PCCA: variants seen among roughly 807,000 people sequenced by gnomAD.
PCCA encodes the protein propionyl-CoA carboxylase subunit alpha.
Under a neutral mutation model 101.3 loss-of-function variants are expected in PCCA, and 74 were observed. That is an observed-to-expected ratio of 0.73 (90% CI 0.61 to 0.89). The LOEUF is 0.89. Ranked by LOEUF, PCCA falls within the 40% of genes least tolerant of loss-of-function variation. The pLI is 0.00. For synonymous variants in PCCA, 294 were observed against 313.6 expected (o/e 0.94, Z 0.66); for missense variants, 891 against 907.0 (o/e 0.98, Z 0.23).
chr13:100,162,492 A>G (rs1019586852), intron 6 of PCCA, among the ~76,000 whole-genome samples: 2 of 152,088 alleles, frequency 1.3e-5, no homozygotes, highest in Admixed American at 1.3e-4. Context: ...CGTTAGTGGT[A>G]TTTGTTTTTG....
At chr13:100,233,618 G>A (rs547563700) in intron 7 of PCCA, among the ~76,000 whole-genome samples, 1 of 152,258 alleles carries the variant, frequency 6.6e-6, no homozygotes, top group East Asian at 1.9e-4. Flanking sequence ...GGGGCTGAGT[G>A]TATAATATTT....
In PCCA at chr13:100,155,003, G is replaced by T; in HGVS notation, c.325G>T (p.Ala109Ser). 6.2e-7 allele frequency: 1 copy of T among 1,613,928 alleles called. No individual in the cohort carries two copies. ...SSVHVKMADE[A>S]VCVGPAPTSK... ...GGTTCATGTGAAAATGGCGGATGAG[G>T]CTGTCTGTGTTGGCCCAGCTCCCAC... Residue 109 changes from alanine (A) to serine (S), a missense_variant, in exon 5 of 24, where the codon GCT (alanine) becomes TCT (serine). Transcript: ENST00000376285.
chr13:100,433,626 A>C (rs533670895), intron 20 of PCCA, among the ~76,000 whole-genome samples: 1 of 152,120 alleles, frequency 6.6e-6, no homozygotes, highest in East Asian at 1.9e-4. Context: ...TTGGGAGAGG[A>C]GGGTGTGTTT....
rs543937844 is a variant in PCCA, at chr13:100,224,146, G to C, written c.601-11696G>C. 7.4e-3 allele frequency among the ~76,000 whole-genome samples: 1,127 copies of C among 152,338 alleles called. 13 individuals are homozygous for C. Among genetic ancestry groups the C allele is most frequent in the African/African-American group, 0.025 (1,053 of 41,582 alleles). On this transcript the variant is annotated intron_variant, in intron 7 of 23. Transcript: ENST00000376285. The stretch of plus-strand genomic sequence containing the variant: ...TCTGGCCCCACAGGAGCCCAGGGAG[G>C]GGGTGGGAGGCTCAGGCATGGCGGG...
chr13:100,105,401 G>C (rs1020430848), intron 2 of PCCA, among the ~76,000 whole-genome samples: 16 of 152,086 alleles, frequency 1.1e-4, no homozygotes, highest in African/African-American at 3.9e-4. Context: ...ATCCTAAGTG[G>C]CTACACTCTT....
At chr13:100,189,992 T>C (rs1294500002) in intron 6 of PCCA, among the ~76,000 whole-genome samples, 1 of 152,224 alleles carries the variant, frequency 6.6e-6, no homozygotes, top group Non-Finnish European at 1.5e-5. Context: ...ATTGGTAATA[T>C]AAAGAGGACA....
In PCCA at chr13:100,309,536, G is replaced by A. The variant is rs1023940353; in HGVS notation, c.1354-297G>A. 4.6e-5 allele frequency among the ~76,000 whole-genome samples: 7 copies of A among 152,128 alleles called. No individual in the cohort carries two copies. The East Asian group carries it at 1.4e-3, about 29-fold the overall frequency. On this transcript the variant is annotated intron_variant, in intron 15 of 23. Transcript: ENST00000376285. ...TTCAAATCCTATCTCATATATTCACGTTTAGCTGTATCTCCTTTTAAATTT... is the reference window on the plus strand; with the variant it reads ...TTCAAATCCTATCTCATATATTCACATTTAGCTGTATCTCCTTTTAAATTT...
chr13:100,302,581 C>G (rs1393522899), intron 13 of PCCA, among the ~76,000 whole-genome samples: 1 of 151,782 alleles, frequency 6.6e-6, no homozygotes, highest in African/African-American at 2.4e-5. Context: ...CTTTAGTATA[C>G]CACATTTGTT....
chr13:100,492,599 A>G (rs1309933046), intron 21 of PCCA, among the ~76,000 whole-genome samples: 1 of 151,496 alleles, frequency 6.6e-6, no homozygotes, highest in Admixed American at 6.6e-5. Flanking sequence ...TCCCCAGCAA[A>G]GGCCCCACCC....
Position 100,527,204 on chromosome 13 carries a change from T to C in PCCA, c.2041-471T>C, listed in dbSNP as rs144742647. On this transcript the variant is annotated intron_variant, in intron 22 of 23. Coordinates refer to ENST00000376285, the MANE Select transcript of PCCA (RefSeq NM_000282.4). Reference sequence around the variant, plus strand: ...TTTCAGTCAATTCAGAGTTGTGTAGTTGTCACCACAATCAATTTTGGAACA... The same window carrying C: ...TTTCAGTCAATTCAGAGTTGTGTAGCTGTCACCACAATCAATTTTGGAACA... The C allele has an allele frequency of 3.7e-3, 1,688 of 452,250 alleles. 25 individuals are homozygous for C. Among genetic ancestry groups the C allele is most frequent in the African/African-American group, 0.029 (1,455 of 49,698 alleles). 28.0% of individuals were successfully genotyped at this position (452,250 alleles called of 1,614,324 possible). A position where few individuals can be genotyped will look rare whatever the true frequency, so the allele number is the denominator to read the frequency against.
At chr13:100,457,865 TG>T (rs1226233899) in intron 21 of PCCA, among the ~76,000 whole-genome samples, 5 of 152,074 alleles carry the variant, frequency 3.3e-5, no homozygotes, top group Non-Finnish European at 7.4e-5. Flanking sequence ...ATGCCCCCCT[TG>T]GAGGTTGTGT....
Position 100,368,522 on chromosome 13 carries a change from T to C in PCCA, c.1694T>C (p.Leu565Ser), listed in dbSNP as rs2075364196. 6.2e-7 allele frequency: 1 copy of C among 1,612,146 alleles called. No individual in the cohort carries two copies. The highest frequency in any genetic ancestry group is 8.5e-7 in the Non-Finnish European group (1 of 1,178,508). Residue 565 changes from leucine to serine, a missense_variant, in exon 19 of 24, where the codon TTG becomes TCG. Coordinates refer to ENST00000376285, the MANE Select transcript of PCCA (RefSeq NM_000282.4). ...DIANWELSVK[L>S]HDKVHTVVAS... ...GCCAACTGGGAGCTCTCAGTAAAAT[T>C]GCATGATAAAGTTCATACCGTAGTA...
chr13:100,437,282 G>A (rs962102272), intron 20 of PCCA, among the ~76,000 whole-genome samples: 1 of 151,898 alleles, frequency 6.6e-6, no homozygotes, highest in Non-Finnish European at 1.5e-5. Flanking sequence ...TCATACTCTC[G>A]GAAAAAGTCT....
chr13:100,295,911 T>C (rs2065493997), intron 12 of PCCA, among the ~76,000 whole-genome samples: 1 of 152,226 alleles, frequency 6.6e-6, no homozygotes, highest in Non-Finnish European at 1.5e-5. Flanking sequence ...TTTTCCTCAG[T>C]TTTAATTTTC....
chr13:100,434,154 G>A lies in PCCA; in HGVS notation c.1845+8423G>A, dbSNP rs143859662. ...CTGCTACTGTTGTAGAGAAGGGTAG[G>A]CCAGAGAATTTCTTTATGAGCAGCT... On this transcript the variant is annotated intron_variant, in intron 20 of 23. Transcript: ENST00000376285. 2.8e-3 allele frequency among the ~76,000 whole-genome samples: 420 copies of A among 152,286 alleles called. 4 individuals are homozygous for A. Among genetic ancestry groups the A allele is most frequent in the African/African-American group, 9.4e-3 (391 of 41,556 alleles).
chr13:100,153,239 G>C (rs186467615), intron 4 of PCCA, among the ~76,000 whole-genome samples: 1 of 152,260 alleles, frequency 6.6e-6, no homozygotes, highest in Non-Finnish European at 1.5e-5. Context: ...AATTTAAGGC[G>C]TAACCTTATG....
chr13:100,274,537 T>C (rs1032529138), intron 12 of PCCA, among the ~76,000 whole-genome samples: 1 of 151,998 alleles, frequency 6.6e-6, no homozygotes, highest in African/African-American at 2.4e-5. Flanking sequence ...TCCAGCCGAG[T>C]GGGTTCCTTC....
intron 20 of PCCA, among the ~76,000 whole-genome samples, chr13:100,435,437 C>A (rs2079859708): frequency 6.6e-6 from 1 of 152,228 alleles, no homozygotes; most frequent in African/African-American, 2.4e-5. Flanking sequence ...GAGCATTTAA[C>A]TTCTTTATCT....
At chr13:100,466,219 T>C in intron 21 of PCCA, 1 of 152,184 alleles carries the variant, frequency 6.6e-6, no homozygotes, top group Non-Finnish European at 1.5e-5. Context: ...CATATTAGAG[T>C]GTGATAAGCA....
Sources: allele counts gnomAD v4.1 joint callset (sites outside exome capture counted in the v4.1 genomes callset), GRCh38; gene constraint gnomAD v4.1.1; transcripts MANE v1.5; gene names NCBI Gene and HGNC (gene_info 2026-07-23, HGNC 2026-07-21).